RBBP4: variants seen among roughly 807,000 people sequenced by gnomAD.
The protein encoded by RBBP4 is histone-binding protein RBBP4.
RBBP4 carries 3 observed loss-of-function variants against 57.2 expected under a neutral mutation model. The observed-to-expected ratio is 0.05, with a 90% CI of 0.02 to 0.14. The LOEUF is 0.14. RBBP4 is among the 10% of genes least tolerant of loss of function. The pLI is 1.00. For missense variants in RBBP4, 107 were observed against 520.6 expected (o/e 0.21, Z 7.73); for synonymous variants, 151 against 171.5 (o/e 0.88, Z 0.93).
chr1:32,672,415 C>G (rs1648918223), intron 8 of RBBP4, 35 bp from the exon 9 acceptor site: 1 of 1,460,568 alleles, frequency 6.8e-7, no homozygotes, highest in Admixed American at 2.1e-5. Context: ...TTTTCTAATT[C>G]ATGGCTTTGC....
chr1:32,651,681 T>G (rs901153601), intron 1 of RBBP4: 1 of 747,610 alleles, frequency 1.3e-6, no homozygotes, highest in Admixed American at 3.1e-5. Context: ...ACGAGCGTGC[T>G]CCGAAGGCCT....
At chr1:32,651,615 T>C in intron 1 of RBBP4, 1 of 846,234 alleles carries the variant, frequency 1.2e-6, no homozygotes, top group South Asian at 2.6e-5. Context: ...CACCGCTTCC[T>C]ACCCACAAGG....
At chr1:32,668,547 A>C in intron 4 of RBBP4, 149 bp downstream of exon 4, 1 of 990,470 alleles carries the variant, frequency 1.0e-6, no homozygotes, top group South Asian at 1.7e-5. Flanking sequence ...TTTTGCCTCC[A>C]TGAAAAAATA....
At position 32,679,803 on chromosome 1, in the gene RBBP4, C is replaced by A. The variant is rs764291027; in HGVS notation, c.*98C>A. The A allele has an allele frequency of 1.3e-6, 2 of 1,546,762 alleles. No homozygotes were observed. The highest frequency in any genetic ancestry group is 1.2e-5 in the South Asian group (1 of 82,674). On this transcript the variant is annotated 3_prime_UTR_variant, in exon 12 of 12. Transcript: ENST00000373493. ...TTTGAGACAGACTTTATTCAGCTATCCCTCTATATAATAGGTACCACCGAT... is the reference window on the plus strand; with the variant it reads ...TTTGAGACAGACTTTATTCAGCTATACCTCTATATAATAGGTACCACCGAT...
chr1:32,662,546 T>C (rs1322997763), intron 3 of RBBP4, among the ~76,000 whole-genome samples: 1 of 151,768 alleles, frequency 6.6e-6, no homozygotes, highest in East Asian at 2.0e-4. Flanking sequence ...CCGGCTAATT[T>C]TGTATTTTTT....
chr1:32,679,848 G>A lies in RBBP4; in HGVS notation c.*143G>A, dbSNP rs758798977. 59 of 1,345,420 alleles carry A rather than the reference G, an allele frequency of 4.4e-5. No individual in the cohort carries two copies. Among genetic ancestry groups the A allele is most frequent in the Middle Eastern group, 2.5e-4 (1 of 3,926 alleles). The allele number at this position is 1,345,420 out of a possible 1,614,324, so 83.3% of individuals were successfully genotyped here. A position where few individuals can be genotyped will look rare whatever the true frequency, so the allele number is the denominator to read the frequency against. ...ACCGATAATGCTATTAGCCCAAACCGTGGGTGTTTTCTAAATATTAATAGG... is the reference window on the plus strand; with the variant it reads ...ACCGATAATGCTATTAGCCCAAACCATGGGTGTTTTCTAAATATTAATAGG... On this transcript the variant is annotated 3_prime_UTR_variant, in exon 12 of 12. Coordinates refer to ENST00000373493, the MANE Select transcript of RBBP4 (RefSeq NM_005610.3).
chr1:32,669,254 C>T lies in RBBP4; in HGVS notation c.785C>T (p.Thr262Ile). 6.2e-7 allele frequency: 1 copy of T among 1,612,858 alleles called. No individual in the cohort carries two copies. Among genetic ancestry groups the T allele is most frequent in the Non-Finnish European group, 8.5e-7 (1 of 1,179,944 alleles). The change falls in exon 7 of 12, where the codon ACT becomes ATT. Residue 262 changes from threonine (T) to isoleucine (I), a missense_variant. By Grantham distance (89) the Thr-to-Ile change is moderately conservative. Around this residue, in one of 3 missense-constraint regions of RBBP4, gnomAD observed 92 missense variants for 408.5 expected, o/e 0.23. Coordinates refer to ENST00000373493, the MANE Select transcript of RBBP4 (RefSeq NM_005610.3). This position sits in a 1 kb window ranked among gnomAD's most constrained non-coding sequence, Gnocchi z 4.9. Reference sequence around the variant, plus strand: ...AGTTGGGATACTCGTTCAAACAATACTTCCAAACCAAGCCACTCAGTTGAT... The same window carrying T: ...AGTTGGGATACTCGTTCAAACAATATTTCCAAACCAAGCCACTCAGTTGAT... Reference protein sequence around the residue: ...LMIWDTRSNNTSKPSHSVDAH... With the variant: ...LMIWDTRSNNISKPSHSVDAH...
At chr1:32,654,936 C>T (rs1178667713) in intron 2 of RBBP4, among the ~76,000 whole-genome samples, 1 of 152,144 alleles carries the variant, frequency 6.6e-6, no homozygotes, top group Non-Finnish European at 1.5e-5. Flanking sequence ...CTCAGGTAAT[C>T]CACCCGCTTC....
At chr1:32,678,444 C>G (rs1649213563) in intron 11 of RBBP4, among the ~76,000 whole-genome samples, 1 of 152,072 alleles carries the variant, frequency 6.6e-6, no homozygotes, top group Admixed American at 6.6e-5. Flanking sequence ...CCAGGCTGGT[C>G]TCGAACTCCT....
At chr1:32,675,459 T>C (rs1649058635) in intron 11 of RBBP4, among the ~76,000 whole-genome samples, 1 of 152,022 alleles carries the variant, frequency 6.6e-6, no homozygotes, top group Non-Finnish European at 1.5e-5. Context: ...ATTCATACTT[T>C]GTAACATTAC....
chr1:32,658,701 C>T (rs1027560286), intron 3 of RBBP4, among the ~76,000 whole-genome samples: 3 of 151,870 alleles, frequency 2.0e-5, no homozygotes, highest in African/African-American at 7.3e-5. Flanking sequence ...CATGCACCAC[C>T]ACGCCTGGCT....
chr1:32,653,018 C>T (rs1251248558), intron 2 of RBBP4, among the ~76,000 whole-genome samples: 2 of 152,124 alleles, frequency 1.3e-5, no homozygotes, highest in Non-Finnish European at 2.9e-5. Flanking sequence ...GAATGGCTTT[C>T]TTATAAGGGG....
At chr1:32,653,759 C>T (rs150951917) in intron 2 of RBBP4, among the ~76,000 whole-genome samples, 5,754 of 145,546 alleles carry the variant, frequency 0.04, 227 homozygotes, top group East Asian at 0.12. Flanking sequence ...CCCGGGTTCA[C>T]GCCATTTTCC....
intron 2 of RBBP4, chr1:32,652,425 G>T (rs1188109092): frequency 1.1e-5 from 2 of 189,732 alleles, no homozygotes; most frequent in Non-Finnish European, 2.2e-5. Flanking sequence ...GCCCAGGCAG[G>T]AGACTTACTT....
intron 2 of RBBP4, among the ~76,000 whole-genome samples, chr1:32,653,664 T>TTTTTTTTTTTTTTTTG (rs1648005195): frequency 2.2e-5 from 1 of 45,614 alleles, no homozygotes; most frequent in Non-Finnish European, 3.9e-5. Context: ...TTTTTTGTTT[T>TTTTTTTTTTTTTTTTG]TGTTTTTTTT....
chr1:32,651,245 G>C lies in RBBP4; in HGVS notation c.-62G>C. 2 of 1,507,008 alleles carry C rather than the reference G, an allele frequency of 1.3e-6. No homozygotes were observed. The highest frequency in any genetic ancestry group is 1.8e-6 in the Non-Finnish European group (2 of 1,127,570). The allele number at this position is 1,507,008 out of a possible 1,614,324, so 93.4% of individuals were successfully genotyped here. On this transcript the variant is annotated 5_prime_UTR_variant, in exon 1 of 12. Transcript: ENST00000373493. ...GGCCGCGCGCACAGAGCGAGCTCTTGCAGCCTCCCCGCCCCTCCCGCAACG... is the reference window on the plus strand; with the variant it reads ...GGCCGCGCGCACAGAGCGAGCTCTTCCAGCCTCCCCGCCCCTCCCGCAACG...
chr1:32,664,368 C>G (rs1391042587), intron 3 of RBBP4, among the ~76,000 whole-genome samples: 1 of 152,130 alleles, frequency 6.6e-6, no homozygotes, highest in African/African-American at 2.4e-5. Context: ...GTGGTTACCC[C>G]TTGCTCTGTG....
At chr1:32,675,356 G>A (rs912668040) in intron 11 of RBBP4, among the ~76,000 whole-genome samples, 12 of 152,002 alleles carry the variant, frequency 7.9e-5, no homozygotes, top group Non-Finnish European at 1.8e-4. Flanking sequence ...ATTAATTGAA[G>A]ACAGAAATAA....
At position 32,667,861 on chromosome 1, in the gene RBBP4, C is replaced by T. The variant is rs112914487; in HGVS notation, c.311-364C>T. 5.7e-3 allele frequency among the ~76,000 whole-genome samples: 874 copies of T among 152,218 alleles called. 11 individuals carry two copies. The highest frequency in any genetic ancestry group is 0.02 in the African/African-American group (827 of 41,520). ...AATGTCTCTAGATTACCTATAATAC[C>T]TAATATAATGTAAATGTTATATAAA... On this transcript the variant is annotated intron_variant, in intron 3 of 11. Transcript: ENST00000373493.
Sources: gnomAD v4.1 joint callset for allele counts (sites outside exome capture counted in the v4.1 genomes callset) on GRCh38, gnomAD v4.1.1 for gene constraint, gnomAD v4.1.1 regional missense constraint, Gnocchi (gnomAD v3.1) non-coding constraint, MANE v1.5 for transcripts, NCBI Gene and HGNC (gene_info 2026-07-23, HGNC 2026-07-21) for gene names.